Variants in RMRP observed in about 807,000 individuals in gnomAD.
The protein encoded by RMRP is RNase MRP RNA.
chr9:35,657,889 A>T (rs1327396991), exon 1 of RMRP: 1 of 700,464 alleles, frequency 1.4e-6, no homozygotes, highest in South Asian at 1.5e-5. Context: ...TGGAGTGGGA[A>T]GCGGGGAATG....
In RMRP at chr9:35,657,986, T is replaced by TG. The variant is rs1355041388; in HGVS notation, n.31dup. 5.7e-6 allele frequency: 4 copies of TG among 700,268 alleles called. No individual in the cohort carries two copies. Among genetic ancestry groups the TG allele is most frequent in the Non-Finnish European group, 1.0e-5 (4 of 384,772 alleles). 43.4% of individuals were successfully genotyped at this position (700,268 alleles called of 1,614,324 possible). ...AAGGGGAGGAACAGAGTCCTCAGTG[T>TG]GTAGCCTAGGATACAGGCCTTCAGC... On this transcript the variant is annotated non_coding_transcript_exon_variant, in exon 1 of 1. Transcript: ENST00000363046.
rs1303560278 is a variant in RMRP, at chr9:35,657,828, A to C, written n.190T>G. 2.9e-6 allele frequency: 2 copies of C among 692,944 alleles called. No individual in the cohort carries two copies. Among genetic ancestry groups the C allele is most frequent in the Admixed American group, 4.0e-5 (2 of 49,578 alleles). The allele number at this position is 692,944 out of a possible 1,614,324, so 42.9% of individuals were successfully genotyped here. On this transcript the variant is annotated non_coding_transcript_exon_variant, in exon 1 of 1. Coordinates refer to ENST00000363046, the Ensembl canonical transcript of RMRP. ...CTGCGTAACTAGAGGGAGCTGACGGATGACGCCCCCGCGCCACGCCGCTCA... is the reference window on the plus strand; with the variant it reads ...CTGCGTAACTAGAGGGAGCTGACGGCTGACGCCCCCGCGCCACGCCGCTCA...
exon 1 of RMRP, chr9:35,657,811 C>G (rs1339749159): frequency 4.3e-6 from 3 of 692,476 alleles, no homozygotes; most frequent in African/African-American, 2.0e-5. Context: ...GCCTGCGTAA[C>G]TAGAGGGAGC....
rs758130879 is a variant in RMRP, at chr9:35,657,895, G to T, written n.123C>A. The stretch of plus-strand genomic sequence containing the variant: ...GGCGGACTTTGGAGTGGGAAGCGGG[G>T]AATGTCTACGTGCGTATGCACGTGG... On this transcript the variant is annotated non_coding_transcript_exon_variant, in exon 1 of 1. Coordinates refer to ENST00000363046, the Ensembl canonical transcript of RMRP. 152 of 697,740 alleles carry T rather than the reference G, an allele frequency of 2.2e-4. No individual in the cohort carries two copies. Among genetic ancestry groups the T allele is most frequent in the Non-Finnish European group, 3.6e-4 (140 of 384,772 alleles). 43.2% of individuals were successfully genotyped at this position (697,740 alleles called of 1,614,324 possible).
In RMRP at chr9:35,657,777, G is replaced by A. The variant is rs912498335; in HGVS notation, n.241C>T. 17 of 696,848 alleles carry A rather than the reference G, an allele frequency of 2.4e-5. No homozygotes were observed. Among genetic ancestry groups the A allele is most frequent in the African/African-American group, 1.0e-4 (6 of 57,150 alleles). 43.2% of individuals were successfully genotyped at this position (696,848 alleles called of 1,614,324 possible). A position where few individuals can be genotyped will look rare whatever the true frequency, so the allele number is the denominator to read the frequency against. ...CAGCCGCGCTGAGAATGAGCCCCGT[G>A]TGGTTGGTGCGCGGACACGCACTGC... On this transcript the variant is annotated non_coding_transcript_exon_variant, in exon 1 of 1. Transcript: ENST00000363046.
At chr9:35,657,827 G>C in exon 1 of RMRP, 1 of 700,460 alleles carries the variant, frequency 1.4e-6, no homozygotes, top group South Asian at 1.5e-5. Flanking sequence ...GGAGCTGACG[G>C]ATGACGCCCC....
In RMRP at chr9:35,657,856, G is replaced by C. The variant is rs550203343; in HGVS notation, n.162C>G. The stretch of plus-strand genomic sequence containing the variant: ...ACGCCCCCGCGCCACGCCGCTCAGC[G>C]GGATACGCTTCTTGGCGGACTTTGG... On this transcript the variant is annotated non_coding_transcript_exon_variant, in exon 1 of 1. Coordinates refer to ENST00000363046, the Ensembl canonical transcript of RMRP. 3 of 700,454 alleles carry C rather than the reference G, an allele frequency of 4.3e-6. No individual in the cohort carries two copies. In the South Asian group the frequency reaches 4.4e-5, roughly 10 times the overall value. 43.4% of individuals were successfully genotyped at this position (700,454 alleles called of 1,614,324 possible).
rs1219992892 is a variant in RMRP at position 35,657,810 on chromosome 9, A to C, written n.208T>G. ...TGCGCGGACACGCACTGCCTGCGTAACTAGAGGGAGCTGACGGATGACGCC... is the reference window on the plus strand; with the variant it reads ...TGCGCGGACACGCACTGCCTGCGTACCTAGAGGGAGCTGACGGATGACGCC... On this transcript the variant is annotated non_coding_transcript_exon_variant, in exon 1 of 1. Transcript: ENST00000363046. 4.3e-6 allele frequency: 3 copies of C among 692,570 alleles called. No individual in the cohort carries two copies. In the East Asian group the frequency reaches 8.0e-5, roughly 19 times the overall value. The allele number at this position is 692,570 out of a possible 1,614,324, so 42.9% of individuals were successfully genotyped here.
At chr9:35,657,923 C>CTCT in exon 1 of RMRP, 1 of 700,454 alleles carries the variant, frequency 1.4e-6, no homozygotes, top group Non-Finnish European at 2.6e-6. Context: ...GCACGTGGCA[C>CTCT]TCTCTGCCCG....
rs188907984 is a variant in RMRP, at chr9:35,657,839, G to A, written n.179C>T. The A allele has an allele frequency of 4.3e-6, 3 of 693,302 alleles. No homozygotes were observed. Among genetic ancestry groups the A allele is most frequent in the East Asian group, 2.7e-5 (1 of 37,288 alleles). The allele number at this position is 693,302 out of a possible 1,614,324, so 42.9% of individuals were successfully genotyped here. A position where few individuals can be genotyped will look rare whatever the true frequency, so the allele number is the denominator to read the frequency against. On this transcript the variant is annotated non_coding_transcript_exon_variant, in exon 1 of 1. Coordinates refer to ENST00000363046, the Ensembl canonical transcript of RMRP. ...GAGGGAGCTGACGGATGACGCCCCCGCGCCACGCCGCTCAGCGGGATACGC... is the reference window on the plus strand; with the variant it reads ...GAGGGAGCTGACGGATGACGCCCCCACGCCACGCCGCTCAGCGGGATACGC...
At chr9:35,657,887 G>GA (rs1563907031) in exon 1 of RMRP, 1 of 700,488 alleles carries the variant, frequency 1.4e-6, no homozygotes, top group East Asian at 2.7e-5. Flanking sequence ...TTTGGAGTGG[G>GA]AAGCGGGGAA....
exon 1 of RMRP, chr9:35,657,824 A>C: frequency 1.4e-6 from 1 of 692,864 alleles, no homozygotes; most frequent in Non-Finnish European, 2.6e-6. Context: ...GAGGGAGCTG[A>C]CGGATGACGC....
Position 35,657,929 on chromosome 9 carries a change from G to T in RMRP, n.89C>A, listed in dbSNP as rs1418128709. On this transcript the variant is annotated non_coding_transcript_exon_variant, in exon 1 of 1. Transcript: ENST00000363046. ...CGTGCGTATGCACGTGGCACTCTCT[G>T]CCCGAGGTCCGGGGACTTTCCCCTA... 3 of 700,474 alleles carry T rather than the reference G, an allele frequency of 4.3e-6. No homozygotes were observed. Among genetic ancestry groups the T allele is most frequent in the Non-Finnish European group, 7.8e-6 (3 of 384,830 alleles). The allele number at this position is 700,474 out of a possible 1,614,324, so 43.4% of individuals were successfully genotyped here.
rs151011853 is a variant in RMRP at position 35,657,962 on chromosome 9, A to AG, written n.55dup. ...TCCGGGGACTTTCCCCTAGGCGGAA[A>AG]GGGGAGGAACAGAGTCCTCAGTGTG... On this transcript the variant is annotated non_coding_transcript_exon_variant, in exon 1 of 1. Transcript: ENST00000363046. The AG allele has an allele frequency of 1.0e-3, 727 of 700,442 alleles. 5 individuals carry two copies. In the East Asian group the frequency reaches 0.017, roughly 17 times the overall value. The allele number at this position is 700,442 out of a possible 1,614,324, so 43.4% of individuals were successfully genotyped here. A position where few individuals can be genotyped will look rare whatever the true frequency, so the allele number is the denominator to read the frequency against.
rs999349961 is a variant in RMRP at position 35,657,963 on chromosome 9, G to C, written n.55C>G. The C allele has an allele frequency of 5.7e-6, 4 of 700,288 alleles. No homozygotes were observed. The highest frequency in any genetic ancestry group is 2.0e-5 in the Admixed American group (1 of 50,014). 43.4% of individuals were successfully genotyped at this position (700,288 alleles called of 1,614,324 possible). On this transcript the variant is annotated non_coding_transcript_exon_variant, in exon 1 of 1. Transcript: ENST00000363046. ...CCGGGGACTTTCCCCTAGGCGGAAAGGGGAGGAACAGAGTCCTCAGTGTGT... is the reference window on the plus strand; with the variant it reads ...CCGGGGACTTTCCCCTAGGCGGAAACGGGAGGAACAGAGTCCTCAGTGTGT...
exon 1 of RMRP, chr9:35,658,009 A>C (rs748814304): frequency 2.2e-5 from 15 of 692,682 alleles, no homozygotes; most frequent in South Asian, 1.3e-4. Context: ...ACAGGCCTTC[A>C]GCACGAACCA....
rs772443941 is a variant in RMRP, at chr9:35,658,014, G to A, written n.4C>T. The A allele has an allele frequency of 9.1e-5, 63 of 691,230 alleles. No homozygotes were observed. The highest frequency in any genetic ancestry group is 3.0e-4 in the South Asian group (20 of 67,230). 42.8% of individuals were successfully genotyped at this position (691,230 alleles called of 1,614,324 possible). A position where few individuals can be genotyped will look rare whatever the true frequency, so the allele number is the denominator to read the frequency against. ...AGCCTAGGATACAGGCCTTCAGCAC[G>A]AACCACGTCCTCAGCTTCACAGAGT... On this transcript the variant is annotated non_coding_transcript_exon_variant, in exon 1 of 1. Transcript: ENST00000363046.
exon 1 of RMRP, chr9:35,657,849 G>C: frequency 2.9e-6 from 2 of 700,466 alleles, no homozygotes; most frequent in Non-Finnish European, 5.2e-6. Flanking sequence ...GCGCCACGCC[G>C]CTCAGCGGGA....
Position 35,658,007 on chromosome 9 carries a change from T to C in RMRP, n.11A>G, listed in dbSNP as rs1411595526. On this transcript the variant is annotated non_coding_transcript_exon_variant, in exon 1 of 1. Transcript: ENST00000363046. ...AGTGTGTAGCCTAGGATACAGGCCT[T>C]CAGCACGAACCACGTCCTCAGCTTC... 2.9e-6 allele frequency: 2 copies of C among 693,726 alleles called. No homozygotes were observed. Among genetic ancestry groups the C allele is most frequent in the Non-Finnish European group, 5.3e-6 (2 of 379,574 alleles). 43.0% of individuals were successfully genotyped at this position (693,726 alleles called of 1,614,324 possible).
Sources: allele counts gnomAD v4.1 joint callset, GRCh38; gene constraint gnomAD v4.1.1; transcripts MANE v1.5; gene names NCBI Gene and HGNC (gene_info 2026-07-23, HGNC 2026-07-21).